TDRD3: variants seen among roughly 807,000 people sequenced by gnomAD.
The protein encoded by TDRD3 is tudor domain containing 3.
Under a neutral mutation model 86.7 loss-of-function variants are expected in TDRD3, and 45 were observed. The observed-to-expected ratio is 0.52, with a 90% CI of 0.41 to 0.67. The LOEUF is 0.67. Among genes scored for constraint, TDRD3 ranks in the 30% least tolerant of loss-of-function variants. The pLI is 0.00. For missense variants in TDRD3, 814 were observed against 889.0 expected (o/e 0.92, Z 1.07); for synonymous variants, 298 against 301.7 (o/e 0.99, Z 0.13).
At chr13:60,511,065 A>G (rs1595047871) in intron 10 of TDRD3, among the ~76,000 whole-genome samples, 1 of 152,034 alleles carries the variant, frequency 6.6e-6, no homozygotes, top group Non-Finnish European at 1.5e-5. Flanking sequence ...ATAATCTTAT[A>G]TAACTTATTT....
intron 13 of TDRD3, among the ~76,000 whole-genome samples, chr13:60,568,801 AATT>A (rs1958520085): frequency 6.6e-6 from 1 of 152,226 alleles, no homozygotes; most frequent in South Asian, 2.1e-4. Context: ...GGAAGAGTCA[AATT>A]ATTCTTGTTT....
chr13:60,477,556 A>G (rs1956212895), intron 5 of TDRD3, among the ~76,000 whole-genome samples: 1 of 152,048 alleles, frequency 6.6e-6, no homozygotes, highest in Admixed American at 6.6e-5. Context: ...TTATATGTCT[A>G]GTTTGTTGAG....
chr13:60,492,040 G>C (rs1472772318), intron 7 of TDRD3, among the ~76,000 whole-genome samples: 1 of 152,126 alleles, frequency 6.6e-6, no homozygotes, highest in African/African-American at 2.4e-5. Context: ...GGCAACACCA[G>C]TTACCTTATG....
intron 1 of TDRD3, among the ~76,000 whole-genome samples, chr13:60,427,040 T>C (rs989560488): frequency 6.6e-6 from 1 of 152,230 alleles, no homozygotes; most frequent in Non-Finnish European, 1.5e-5. Context: ...TTAAAAAATA[T>C]GTAAACATAG....
At chr13:60,483,308 A>G (rs1340732401) in intron 5 of TDRD3, among the ~76,000 whole-genome samples, 1 of 152,146 alleles carries the variant, frequency 6.6e-6, no homozygotes, top group South Asian at 2.1e-4. Flanking sequence ...AAGAACCTCC[A>G]TATTATACAC....
chr13:60,492,917 CTTTT>C (rs71199004), intron 7 of TDRD3, among the ~76,000 whole-genome samples: 1 of 115,470 alleles, frequency 8.7e-6, no homozygotes. Flanking sequence ...TCTTTCTTTT[CTTTT>C]TTTTTTTTTT....
intron 3 of TDRD3, among the ~76,000 whole-genome samples, chr13:60,454,307 A>C (rs1955614775): frequency 6.6e-6 from 1 of 152,016 alleles, no homozygotes; most frequent in Non-Finnish European, 1.5e-5. Flanking sequence ...GTTTTGTATA[A>C]ATTTTCTAGT....
chr13:60,556,174 A>G (rs1035804468), intron 12 of TDRD3, among the ~76,000 whole-genome samples: 1 of 152,066 alleles, frequency 6.6e-6, no homozygotes, highest in African/African-American at 2.4e-5. Context: ...CTATTATTCC[A>G]TTGCTAAAAG....
chr13:60,487,501 G>A (rs79838105), intron 7 of TDRD3, among the ~76,000 whole-genome samples: 2 of 151,912 alleles, frequency 1.3e-5, no homozygotes, highest in African/African-American at 4.8e-5. Context: ...AAAAAAAAAA[G>A]TATGCAAGAG....
At chr13:60,438,995 C>T (rs151296188) in intron 1 of TDRD3, among the ~76,000 whole-genome samples, 6 of 152,022 alleles carry the variant, frequency 3.9e-5, no homozygotes, top group South Asian at 2.1e-4. Flanking sequence ...TGGGTAGAGA[C>T]GAATTTTTTT....
chr13:60,537,508 A>C (rs1017158285), intron 12 of TDRD3: 2 of 152,074 alleles, frequency 1.3e-5, no homozygotes, highest in African/African-American at 4.8e-5. Flanking sequence ...GAAAGTGTTA[A>C]TGTTGGGGTC....
chr13:60,423,126 G>C (rs997997756), intron 1 of TDRD3, among the ~76,000 whole-genome samples: 2 of 152,172 alleles, frequency 1.3e-5, no homozygotes, highest in Non-Finnish European at 2.9e-5. Flanking sequence ...AAGCAAGGCA[G>C]AAATAGAGCA....
chr13:60,536,307 C>T (rs1288674965), intron 12 of TDRD3: 2 of 152,050 alleles, frequency 1.3e-5, no homozygotes, highest in African/African-American at 2.4e-5. Context: ...CCAACTTTTA[C>T]AACATAAGAT....
At chr13:60,524,715 C>A (rs1216911598) in intron 10 of TDRD3, among the ~76,000 whole-genome samples, 2 of 151,790 alleles carry the variant, frequency 1.3e-5, no homozygotes, top group African/African-American at 2.4e-5. Flanking sequence ...GATGATGAAT[C>A]CAAGAATGAT....
chr13:60,401,093 C>T (rs182668868), intron 1 of TDRD3, among the ~76,000 whole-genome samples: 27 of 152,234 alleles, frequency 1.8e-4, no homozygotes, highest in African/African-American at 6.3e-4. Flanking sequence ...CTTTGCCTTG[C>T]AGTGAATCAA....
chr13:60,555,912 G>A (rs530092726), intron 12 of TDRD3, among the ~76,000 whole-genome samples: 20 of 149,156 alleles, frequency 1.3e-4, no homozygotes, highest in South Asian at 8.5e-4. Flanking sequence ...GTGCAGTGGC[G>A]CGATCTCGGC....
intron 12 of TDRD3, chr13:60,536,959 T>G (rs1957708468): frequency 6.6e-6 from 1 of 152,082 alleles, no homozygotes; most frequent in South Asian, 2.1e-4. Flanking sequence ...AGCTGGACAA[T>G]AAATTTATCA....
At chr13:60,557,819 G>GGTTTTT (rs1491187240) in intron 12 of TDRD3, among the ~76,000 whole-genome samples, 2 of 89,934 alleles carry the variant, frequency 2.2e-5, no homozygotes, top group Non-Finnish European at 2.6e-5. Context: ...TTTTTTTCCT[G>GGTTTTT]ATTTTTTTTT....
intron 3 of TDRD3, among the ~76,000 whole-genome samples, chr13:60,458,649 A>G (rs1022533866): frequency 1.3e-5 from 2 of 152,216 alleles, no homozygotes; most frequent in African/African-American, 2.4e-5. Context: ...ATCATCACCA[A>G]CTGTGTGATG....
Sources: gnomAD v4.1 joint callset for allele counts (sites outside exome capture counted in the v4.1 genomes callset) on GRCh38, gnomAD v4.1.1 for gene constraint, MANE v1.5 for transcripts, NCBI Gene and HGNC (gene_info 2026-07-23, HGNC 2026-07-21) for gene names.